The following NEK11 variants were observed in gnomAD, a reference collection of about 807,000 sequenced individuals.
NEK11 encodes the protein NIMA related kinase 11, also known as serine/threonine-protein kinase Nek11.
In NEK11, 72 loss-of-function variants were observed where a neutral mutation model predicts 80.7. The ratio of observed to expected loss-of-function variants is 0.89; its 90% CI spans 0.74 to 1.08. The LOEUF (loss-of-function observed/expected upper bound fraction) is 1.08, where lower values mean the gene tolerates loss of function less well. Among genes scored for constraint, NEK11 ranks in the 50% least tolerant of loss-of-function variants. NEK11 has a pLI of 0.00. For synonymous variants in NEK11, 251 were observed against 260.7 expected (o/e 0.96, Z 0.36); for missense variants, 764 against 763.6 (o/e 1.00, Z -0.01).
chr3:131,068,949 G>A (rs1163031354), intron 3 of NEK11, among the ~76,000 whole-genome samples: 2 of 152,028 alleles, frequency 1.3e-5, no homozygotes, highest in Non-Finnish European at 2.9e-5. Flanking sequence ...GTAACAACTG[G>A]CTTTATCCTA....
At chr3:131,285,545 G>T (rs1288114387) in intron 17 of NEK11, among the ~76,000 whole-genome samples, 2 of 152,200 alleles carry the variant, frequency 1.3e-5, no homozygotes, top group Non-Finnish European at 2.9e-5. Flanking sequence ...CTCCAAGTAG[G>T]TGGAGAATAA....
chr3:131,338,218 G>C (rs1430117619), intron 17 of NEK11, among the ~76,000 whole-genome samples: 1 of 149,778 alleles, frequency 6.7e-6, no homozygotes, highest in African/African-American at 2.5e-5. Flanking sequence ...ACTGGCCTCG[G>C]CCTCCCAAAG....
chr3:131,338,265 GGTTTTT>G (rs1376545631), intron 17 of NEK11, among the ~76,000 whole-genome samples: 4 of 91,608 alleles, frequency 4.4e-5, no homozygotes, highest in Non-Finnish European at 5.8e-5. Context: ...GCGCCCAGCT[GGTTTTT>G]TTTTTTTTTT....
At chr3:131,255,639 C>A (rs2108371351) in intron 16 of NEK11, among the ~76,000 whole-genome samples, 1 of 152,264 alleles carries the variant, frequency 6.6e-6, no homozygotes, top group East Asian at 1.9e-4. Context: ...ACTGCTTGAT[C>A]CTTTCTAGAG....
At chr3:131,038,698 C>T (rs1379647300) in intron 3 of NEK11, among the ~76,000 whole-genome samples, 1 of 152,122 alleles carries the variant, frequency 6.6e-6, no homozygotes, top group East Asian at 1.9e-4. Flanking sequence ...TCTTACATTA[C>T]TGTTGTTTGA....
At chr3:131,097,693 G>A (rs1280970892) in intron 4 of NEK11, among the ~76,000 whole-genome samples, 1 of 151,656 alleles carries the variant, frequency 6.6e-6, no homozygotes, top group African/African-American at 2.4e-5. Context: ...CATGCTCATG[G>A]GTAGGAAGAA....
chr3:131,245,809 GTTTTTTGT>G (rs2095593728), intron 16 of NEK11, among the ~76,000 whole-genome samples: 1 of 151,518 alleles, frequency 6.6e-6, no homozygotes, highest in South Asian at 2.1e-4. Context: ...GGGTTTTTTT[GTTTTTTGT>G]TTTTTTGTTT....
chr3:131,199,311 G>T (rs1301492341), intron 14 of NEK11, among the ~76,000 whole-genome samples: 1 of 151,848 alleles, frequency 6.6e-6, no homozygotes, highest in Non-Finnish European at 1.5e-5. Context: ...ATTTCATGAA[G>T]AATCTCACAA....
intron 17 of NEK11, among the ~76,000 whole-genome samples, chr3:131,324,221 T>G (rs570218878): frequency 1.3e-5 from 2 of 152,298 alleles, no homozygotes; most frequent in Admixed American, 1.3e-4. Context: ...GTCGGGGGAT[T>G]CTTGCTGAGC....
At chr3:131,137,759 C>T (rs577128367) in intron 7 of NEK11, among the ~76,000 whole-genome samples, 1 of 152,144 alleles carries the variant, frequency 6.6e-6, no homozygotes, top group East Asian at 1.9e-4. Context: ...GCTAATAAAT[C>T]CTTGTTAAAT....
intron 5 of NEK11, among the ~76,000 whole-genome samples, chr3:131,121,232 T>G (rs1429067947): frequency 6.6e-6 from 1 of 152,236 alleles, no homozygotes; most frequent in African/African-American, 2.4e-5. Flanking sequence ...GCAGGTCTGC[T>G]GGAGTTTGCT....
rs1369747784 is a variant in NEK11 at position 131,206,758 on chromosome 3, G to T, written c.1400-21770G>T. On this transcript the variant is annotated intron_variant, in intron 14 of 17. Coordinates refer to ENST00000383366, the MANE Select transcript of NEK11 (RefSeq NM_024800.5). ...ATATGTATACATGTGCCATGTTGGT[G>T]TGCTGCACCCATTAAGCTGCACCCA... Among the ~76,000 whole-genome samples, 3 of 152,148 alleles carry T rather than the reference G, an allele frequency of 2.0e-5. No homozygotes were observed. In the East Asian group the frequency reaches 5.8e-4, roughly 29 times the overall value.
intron 17 of NEK11, among the ~76,000 whole-genome samples, chr3:131,319,852 AT>A (rs575967883): frequency 0.01 from 1,564 of 151,540 alleles, 22 homozygotes; most frequent in African/African-American, 0.034. Context: ...CTCTGAAAAC[AT>A]TTTTTTTTAA....
chr3:131,097,544 T>C (rs2149226553), intron 4 of NEK11, among the ~76,000 whole-genome samples: 1 of 152,330 alleles, frequency 6.6e-6, no homozygotes, highest in East Asian at 1.9e-4. Context: ...TTTTGAGAAG[T>C]GTCTGTTCAT....
intron 17 of NEK11, among the ~76,000 whole-genome samples, chr3:131,300,325 A>C (rs974683914): frequency 6.6e-6 from 1 of 152,122 alleles, no homozygotes; most frequent in African/African-American, 2.4e-5. Context: ...CCCATTCTGT[A>C]GGCTGTTTGT....
intron 17 of NEK11, among the ~76,000 whole-genome samples, chr3:131,347,034 G>C (rs1561663056): frequency 6.6e-6 from 1 of 152,110 alleles, no homozygotes; most frequent in Non-Finnish European, 1.5e-5. Flanking sequence ...GAATGACCAG[G>C]GTTTGGTAGA....
rs57251382 is a variant in NEK11, at chr3:131,098,825, GT to G, written c.337-10967del. On this transcript the variant is annotated intron_variant, in intron 4 of 17. Coordinates refer to ENST00000383366, the MANE Select transcript of NEK11 (RefSeq NM_024800.5). ...TCCTGACCTTTGCCTACTTTTAAAT[GT>G]TTTTTTTTTTCTTCCTTGTTGATTT... Among the ~76,000 whole-genome samples the G allele has an allele frequency of 2.8e-3, 407 of 146,368 alleles. 6 individuals are homozygous for G. Among genetic ancestry groups the G allele is most frequent in the Admixed American group, 0.015 (217 of 14,684 alleles).
At chr3:131,334,717 G>T (rs146390779) in intron 17 of NEK11, among the ~76,000 whole-genome samples, 1 of 151,778 alleles carries the variant, frequency 6.6e-6, no homozygotes, top group Non-Finnish European at 1.5e-5. Flanking sequence ...TTGATAGACC[G>T]CTAGCAAGAT....
intron 3 of NEK11, among the ~76,000 whole-genome samples, chr3:131,079,463 G>T (rs2074887111): frequency 1.3e-5 from 2 of 152,220 alleles, no homozygotes; most frequent in Admixed American, 6.5e-5. Flanking sequence ...AGGTCCTGCA[G>T]CACTTGCCCT....
Sources: gnomAD v4.1 joint callset for allele counts (sites outside exome capture counted in the v4.1 genomes callset) on GRCh38, gnomAD v4.1.1 for gene constraint, MANE v1.5 for transcripts, NCBI Gene and HGNC (gene_info 2026-07-23, HGNC 2026-07-21) for gene names.